Variants in ALDH8A1 observed in about 807,000 individuals in gnomAD.
ALDH8A1 encodes the protein 2-aminomuconic semialdehyde dehydrogenase.
In ALDH8A1, 39 loss-of-function variants were observed where a neutral mutation model predicts 43.3. The observed-to-expected ratio is 0.90, with a 90% CI of 0.70 to 1.18. ALDH8A1 has a LOEUF of 1.18. Ranked by LOEUF, ALDH8A1 falls within the 50% of genes most tolerant of loss-of-function variation. The pLI, the probability that ALDH8A1 is intolerant of heterozygous loss-of-function variation, is 0.00. For missense variants in ALDH8A1, 605 were observed against 622.6 expected (o/e 0.97, Z 0.30); for synonymous variants, 233 against 243.5 (o/e 0.96, Z 0.40).
intron 1 of ALDH8A1, among the ~76,000 whole-genome samples, chr6:134,947,927 T>A (rs9402667): frequency 0.14 from 21,886 of 151,950 alleles, 2,352 homozygotes; most frequent in African/African-American, 0.27. Context: ...AGGAAATCAG[T>A]ATACTGAAGA....
At chr6:134,926,787 C>T (rs890350805) in intron 6 of ALDH8A1, among the ~76,000 whole-genome samples, 36 of 145,948 alleles carry the variant, frequency 2.5e-4, no homozygotes, top group African/African-American at 6.3e-4. Flanking sequence ...CCAGCCTGGG[C>T]GACAGAGTAA....
chr6:134,938,716 C>G (rs567767831), intron 4 of ALDH8A1, among the ~76,000 whole-genome samples: 2 of 152,150 alleles, frequency 1.3e-5, no homozygotes, highest in Admixed American at 1.3e-4. Context: ...GGTGCAATCT[C>G]GGCTCACTGC....
At chr6:134,949,614 C>T (rs1774009392) in intron 1 of ALDH8A1, among the ~76,000 whole-genome samples, 1 of 151,684 alleles carries the variant, frequency 6.6e-6, no homozygotes. Context: ...ATAGCTCTTA[C>T]AAATAATACT....
chr6:134,945,421 T>G (rs1229304388), intron 1 of ALDH8A1, among the ~76,000 whole-genome samples: 3 of 152,118 alleles, frequency 2.0e-5, no homozygotes, highest in African/African-American at 7.2e-5. Flanking sequence ...TACCTCCTTT[T>G]AGAGTTACAT....
Position 134,939,326 on chromosome 6 carries a change from T to G in ALDH8A1, c.532A>C (p.Lys178Gln). ...AMAAGNTVIA[K>Q]PSELTSVTAW... The stretch of plus-strand genomic sequence containing the variant: ...GTCACTGAAGTCAGCTCACTGGGCT[T>G]GGCTATCACAGTGTTCCCTGCAGCC... The change falls in exon 4 of 7, where the codon AAG (lysine) becomes CAG (glutamine). Residue 178 changes from lysine to glutamine, a missense_variant. Coordinates refer to ENST00000265605, the MANE Select transcript of ALDH8A1 (RefSeq NM_022568.4). 6.2e-7 allele frequency: 1 copy of G among 1,614,258 alleles called. No homozygotes were observed. The highest frequency in any genetic ancestry group is 8.5e-7 in the Non-Finnish European group (1 of 1,180,044).
chr6:134,933,671 C>T (rs1368463721), intron 4 of ALDH8A1, among the ~76,000 whole-genome samples: 1 of 152,138 alleles, frequency 6.6e-6, no homozygotes, highest in Non-Finnish European at 1.5e-5. Context: ...CCTGTATCTT[C>T]GTGCATTTAT....
chr6:134,932,799 C>T lies in ALDH8A1; in HGVS notation c.826G>A (p.Val276Ile), dbSNP rs151121065. ...ANLDECIPAT[V>I]RSSFANQGEI... The stretch of plus-strand genomic sequence containing the variant: ...ACCTGGTTGGCAAAGCTGGACCTGA[C>T]GGTTGCCGGAATGCACTCATCCAGG... The change falls in exon 5 of 7, where the codon GTC becomes ATC. Residue 276 changes from valine to isoleucine, a missense_variant. By Grantham distance (29) the Val-to-Ile change is conservative (BLOSUM62 3). Coordinates refer to ENST00000265605, the MANE Select transcript of ALDH8A1 (RefSeq NM_022568.4). 296 of 1,614,138 alleles carry T rather than the reference C, an allele frequency of 1.8e-4. 2 individuals carry two copies. In the South Asian group the frequency reaches 3.0e-3, roughly 16 times the overall value.
At chr6:134,945,577 CA>C (rs1562261116) in intron 1 of ALDH8A1, among the ~76,000 whole-genome samples, 1 of 152,168 alleles carries the variant, frequency 6.6e-6, no homozygotes, top group African/African-American at 2.4e-5. Flanking sequence ...CCAGAGATGA[CA>C]AATCCCTAAC....
chr6:134,940,823 C>A (rs1243182363), intron 3 of ALDH8A1, among the ~76,000 whole-genome samples: 5 of 152,144 alleles, frequency 3.3e-5, no homozygotes, highest in Non-Finnish European at 7.4e-5. Context: ...AAAATCCATT[C>A]TTTAGGGGAT....
Position 134,949,965 on chromosome 6 carries a change from G to A in ALDH8A1, c.89C>T (p.Pro30Leu), listed in dbSNP as rs1387859335. The change falls in exon 1 of 7, where the codon CCA becomes CTA. Residue 30 changes from proline to leucine, a missense_variant. Physicochemically the swap from Pro to Leu is moderately conservative, Grantham distance 98. Coordinates refer to ENST00000265605, the MANE Select transcript of ALDH8A1 (RefSeq NM_022568.4). ...PCSSYIDSYDPSTGEVYCRVP... is the reference protein window; with the variant it reads ...PCSSYIDSYDLSTGEVYCRVP... ...TCTGCAATACACTTCCCCTGTTGATGGGTCGTAAGAATCTATATATGAGCT... is the reference window on the plus strand; with the variant it reads ...TCTGCAATACACTTCCCCTGTTGATAGGTCGTAAGAATCTATATATGAGCT... 1.9e-6 allele frequency: 3 copies of A among 1,612,202 alleles called. No homozygotes were observed. The highest frequency in any genetic ancestry group is 1.7e-5 in the Admixed American group (1 of 59,788).
At chr6:134,934,560 G>T (rs187383980) in intron 4 of ALDH8A1, among the ~76,000 whole-genome samples, 2 of 152,014 alleles carry the variant, frequency 1.3e-5, no homozygotes, top group Non-Finnish European at 2.9e-5. Context: ...GACATCAGAG[G>T]GCCAAAAACT....
At chr6:134,935,900 A>C (rs1363123974) in intron 4 of ALDH8A1, among the ~76,000 whole-genome samples, 1 of 151,898 alleles carries the variant, frequency 6.6e-6, no homozygotes, top group Non-Finnish European at 1.5e-5. Flanking sequence ...AGTCCTCAGG[A>C]GACAGGTGGG....
At chr6:134,944,836 C>T (rs1773923998) in intron 1 of ALDH8A1, among the ~76,000 whole-genome samples, 2 of 151,660 alleles carry the variant, frequency 1.3e-5, no homozygotes, top group African/African-American at 4.8e-5. Flanking sequence ...CTGTAGTGAG[C>T]TGTAATTGTG....
At chr6:134,940,417 AC>A (rs1773834028) in intron 3 of ALDH8A1, among the ~76,000 whole-genome samples, 2 of 152,166 alleles carry the variant, frequency 1.3e-5, no homozygotes, top group African/African-American at 4.8e-5. Flanking sequence ...ATGGGTTGAG[AC>A]ATAAAATCTC....
At chr6:134,936,958 C>A (rs377074001) in intron 4 of ALDH8A1, among the ~76,000 whole-genome samples, 6 of 152,086 alleles carry the variant, frequency 3.9e-5, no homozygotes, top group Admixed American at 2.0e-4. Context: ...AGAAGGAAAC[C>A]CCTCAAATGT....
chr6:134,921,804 G>A (rs1583021652), intron 6 of ALDH8A1, among the ~76,000 whole-genome samples: 1 of 152,194 alleles, frequency 6.6e-6, no homozygotes, highest in African/African-American at 2.4e-5. Context: ...GCTTTCTGGG[G>A]TAACATTAGG....
At chr6:134,920,549 G>C (rs1205390087) in intron 6 of ALDH8A1, among the ~76,000 whole-genome samples, 1 of 152,136 alleles carries the variant, frequency 6.6e-6, no homozygotes, top group African/African-American at 2.4e-5. Context: ...TGTCGAATGT[G>C]ATCACATGAT....
At chr6:134,942,661 C>A (rs1773878359) in intron 2 of ALDH8A1, 97 bp from the exon 3 acceptor site, 10 of 1,287,132 alleles carry the variant, frequency 7.8e-6, no homozygotes, top group Non-Finnish European at 1.1e-5. Context: ...ACTGAAACAG[C>A]CTGGATTCCT....
intron 2 of ALDH8A1, among the ~76,000 whole-genome samples, chr6:134,943,064 C>T (rs1773885923): frequency 6.6e-6 from 1 of 152,210 alleles, no homozygotes; most frequent in Admixed American, 6.5e-5. Flanking sequence ...GTGGCACCTG[C>T]TTGCCCATCA....
Sources: gnomAD v4.1 joint callset for allele counts (sites outside exome capture counted in the v4.1 genomes callset) on GRCh38, gnomAD v4.1.1 for gene constraint, MANE v1.5 for transcripts, NCBI Gene and HGNC (gene_info 2026-07-23, HGNC 2026-07-21) for gene names.